The following IL21 variants were observed in gnomAD, a reference collection of about 807,000 sequenced individuals.
IL21 encodes the protein interleukin 21, also known as interleukin-21.
A neutral mutation model predicts 18.4 loss-of-function variants in IL21; 3 were observed. The observed-to-expected ratio is 0.16, with a 90% CI of 0.07 to 0.42. IL21 has a LOEUF of 0.42. Ranked by LOEUF, IL21 falls within the 10% of genes least tolerant of loss-of-function variation. The pLI, the probability that IL21 is intolerant of heterozygous loss-of-function variation, is 0.99. For synonymous variants in IL21, 37 were observed against 62.0 expected (o/e 0.60, Z 1.90); for missense variants, 130 against 188.4 (o/e 0.69, Z 1.81).
intron 3 of IL21, among the ~76,000 whole-genome samples, chr4:122,613,842 A>G (rs1046289741): frequency 6.6e-6 from 1 of 152,164 alleles, no homozygotes; most frequent in Non-Finnish European, 1.5e-5. Context: ...TCTTATTATT[A>G]TAGGGTATTG....
chr4:122,613,903 T>C (rs1799299739), intron 3 of IL21, among the ~76,000 whole-genome samples: 1 of 152,180 alleles, frequency 6.6e-6, no homozygotes, highest in Admixed American at 6.5e-5. Flanking sequence ...TAACTCGCAT[T>C]TATGTGATTA....
chr4:122,614,062 G>A (rs951547472), intron 3 of IL21, among the ~76,000 whole-genome samples: 1 of 152,180 alleles, frequency 6.6e-6, no homozygotes, highest in African/African-American at 2.4e-5. Context: ...CCAGTGTGAT[G>A]TTGTAGTGAG....
Position 122,611,814 on chromosome 4 carries a change from G to A in IL21, c.*896C>T. Among the ~76,000 whole-genome samples, 1 of 152,110 alleles carries A rather than the reference G, an allele frequency of 6.6e-6. No homozygotes were observed. Among genetic ancestry groups the A allele is most frequent in the East Asian group, 1.9e-4 (1 of 5,196 alleles). On this transcript the variant is annotated 3_prime_UTR_variant, in exon 5 of 5. Coordinates refer to ENST00000648588, the MANE Select transcript of IL21 (RefSeq NM_021803.4). Reference sequence around the variant, plus strand: ...TTCATTTTAAAAAGAAGGAAGAAAAGAAACGAAAGAAGAAAGAAGGAGACA... The same window carrying A: ...TTCATTTTAAAAAGAAGGAAGAAAAAAAACGAAAGAAGAAAGAAGGAGACA...
rs117771999 is a variant in IL21 at position 122,614,104 on chromosome 4, T to A, written c.361-1176A>T. Reference sequence around the variant, plus strand: ...TCACTAAAAGATAGTAGATATACGTTCTAATTCTCATTCTGACACTATTTA... The same window carrying A: ...TCACTAAAAGATAGTAGATATACGTACTAATTCTCATTCTGACACTATTTA... On this transcript the variant is annotated intron_variant, in intron 3 of 4. Coordinates refer to ENST00000648588, the MANE Select transcript of IL21 (RefSeq NM_021803.4). 8.8e-4 allele frequency among the ~76,000 whole-genome samples: 134 copies of A among 152,332 alleles called. 3 individuals are homozygous for A. The East Asian group carries it at 0.023, about 26-fold the overall frequency.
At chr4:122,620,563 T>A in intron 2 of IL21, 138 bp downstream of exon 2, 1 of 732,030 alleles carries the variant, frequency 1.4e-6, no homozygotes, top group East Asian at 2.8e-5. Flanking sequence ...AAAATATAAA[T>A]AAATATTTCA....
intron 3 of IL21, among the ~76,000 whole-genome samples, chr4:122,614,677 G>A (rs573152252): frequency 1.5e-3 from 221 of 152,110 alleles, no homozygotes; most frequent in African/African-American, 5.0e-3. Flanking sequence ...CTGCACTCCA[G>A]CATGGGCGAC....
intron 3 of IL21, among the ~76,000 whole-genome samples, chr4:122,613,594 C>T (rs975804999): frequency 7.2e-5 from 11 of 152,046 alleles, no homozygotes; most frequent in Admixed American, 2.6e-4. Flanking sequence ...TCAGGTGATC[C>T]GCCTGCCTCG....
intron 4 of IL21, 31 bp downstream of exon 4, chr4:122,612,820 C>T (rs1417113091): frequency 6.2e-7 from 1 of 1,612,250 alleles, no homozygotes; most frequent in Admixed American, 1.7e-5. Context: ...AAAGATAAAG[C>T]AGAAAATCAA....
chr4:122,615,845 A>G lies in IL21; in HGVS notation c.205-8T>C. The G allele has an allele frequency of 6.2e-7, 1 of 1,602,166 alleles. No homozygotes were observed. The highest frequency in any genetic ancestry group is 8.5e-7 in the Non-Finnish European group (1 of 1,174,668). On this transcript the variant is annotated splice_region_variant and splice_polypyrimidine_tract_variant and intron_variant, in intron 2 of 4. Coordinates refer to ENST00000648588, the MANE Select transcript of IL21 (RefSeq NM_021803.4). ...TGACCACTCACAGTTTGTCTGAAAG[A>G]TAAACAATTTGTATATATGTTAACA...
chr4:122,614,185 A>G, intron 3 of IL21, among the ~76,000 whole-genome samples: 1 of 152,058 alleles, frequency 6.6e-6, no homozygotes, highest in East Asian at 1.9e-4. Context: ...CCTCATCTAT[A>G]AGATGAACAT....
intron 2 of IL21, among the ~76,000 whole-genome samples, chr4:122,620,377 T>C (rs1319986515): frequency 6.6e-6 from 1 of 152,212 alleles, no homozygotes; most frequent in African/African-American, 2.4e-5. Context: ...AAAGAGTAAC[T>C]AGCTGTGCAT....
In IL21 at chr4:122,610,936, C is replaced by G. The variant is rs1799256226; in HGVS notation, c.*1774G>C. Among the ~76,000 whole-genome samples the G allele has an allele frequency of 6.6e-6, 1 of 152,154 alleles. No homozygotes were observed. The highest frequency in any genetic ancestry group is 1.5e-5 in the Non-Finnish European group (1 of 68,010). Reference sequence around the variant, plus strand: ...ACTCTGTTTAATGAAGGCTCTTAGCCAAACCCTCACTGAGTTATTTTTACT... The same window carrying G: ...ACTCTGTTTAATGAAGGCTCTTAGCGAAACCCTCACTGAGTTATTTTTACT... On this transcript the variant is annotated 3_prime_UTR_variant, in exon 5 of 5. Transcript: ENST00000648588.
At position 122,615,747 on chromosome 4, in the gene IL21, A is replaced by T; in HGVS notation, c.295T>A (p.Ser99Thr). The change falls in exon 3 of 5, where the codon TCA becomes ACA. Residue 99 changes from serine to threonine, a missense_variant. By Grantham distance (58) the Ser-to-Thr change is moderately conservative. Coordinates refer to ENST00000648588, the MANE Select transcript of IL21 (RefSeq NM_021803.4). ...TGNNERIINV[S>T]IKKLKRKPPS... ...GGTTTCCTCTTCAGCTTTTTAATTG[A>T]TACATTGATTATCCTTTCATTGTTT... 2.5e-6 allele frequency: 4 copies of T among 1,613,850 alleles called. No individual in the cohort carries two copies. The highest frequency in any genetic ancestry group is 3.4e-6 in the Non-Finnish European group (4 of 1,179,800).
chr4:122,612,782 A>C, intron 4 of IL21, 22 bp from the exon 5 acceptor site: 2 of 1,613,510 alleles, frequency 1.2e-6, no homozygotes, highest in Non-Finnish European at 1.7e-6. Context: ...GTATACCGTG[A>C]GTAACTAAGA....
chr4:122,614,418 A>T (rs1288579423), intron 3 of IL21, among the ~76,000 whole-genome samples: 1 of 151,522 alleles, frequency 6.6e-6, no homozygotes, highest in African/African-American at 2.4e-5. Context: ...TAATTTAAAA[A>T]ATTTGAGGCT....
Position 122,612,007 on chromosome 4 carries a change from G to A in IL21, c.*703C>T, listed in dbSNP as rs921836833. Among the ~76,000 whole-genome samples the A allele has an allele frequency of 6.6e-6, 1 of 152,022 alleles. No homozygotes were observed. Among genetic ancestry groups the A allele is most frequent in the Non-Finnish European group, 1.5e-5 (1 of 67,946 alleles). On this transcript the variant is annotated 3_prime_UTR_variant, in exon 5 of 5. Coordinates refer to ENST00000648588, the MANE Select transcript of IL21 (RefSeq NM_021803.4). ...AGCTTAAAATGTTAGCTTATAAGGG[G>A]ACTGGGGGCTGGAGGAAGGTAATAT...
intron 2 of IL21, among the ~76,000 whole-genome samples, 178 bp downstream of exon 2, chr4:122,620,523 T>C (rs546669582): frequency 1.3e-5 from 2 of 152,316 alleles, no homozygotes; most frequent in South Asian, 4.1e-4. Flanking sequence ...CATTTTTTAG[T>C]TGGTTTTTGG....
chr4:122,613,149 T>C (rs1410181233), intron 3 of IL21, among the ~76,000 whole-genome samples: 1 of 152,036 alleles, frequency 6.6e-6, no homozygotes, highest in Non-Finnish European at 1.5e-5. Context: ...CTCTCTGTGT[T>C]TTGGGTATTT....
rs981692235 is a variant in IL21 at position 122,615,612 on chromosome 4, G to A, written c.360+70C>T. The A allele has an allele frequency of 1.2e-5, 16 of 1,383,036 alleles. 1 individual carries two copies. The South Asian group carries it at 2.0e-4, about 17-fold the overall frequency. The allele number at this position is 1,383,036 out of a possible 1,614,324, so 85.7% of individuals were successfully genotyped here. On this transcript the variant is annotated intron_variant, in intron 3 of 4. Transcript: ENST00000648588. ...AGCAGCCCTGGCTACAGGTGTGTGT[G>A]TATGTTTATGTAATGCAAGATATAT...
Sources: gnomAD v4.1 joint callset for allele counts (sites outside exome capture counted in the v4.1 genomes callset) on GRCh38, gnomAD v4.1.1 for gene constraint, MANE v1.5 for transcripts, NCBI Gene and HGNC (gene_info 2026-07-23, HGNC 2026-07-21) for gene names.